TBXAS1: variants seen among roughly 807,000 people sequenced by gnomAD.
TBXAS1 encodes the protein thromboxane A synthase 1.
In TBXAS1, 48 loss-of-function variants were observed where a neutral mutation model predicts 60.7. The ratio of observed to expected loss-of-function variants is 0.79; its 90% confidence interval spans 0.63 to 1.01. TBXAS1 has a LOEUF of 1.01. Among genes scored for constraint, TBXAS1 ranks in the 50% least tolerant of loss-of-function variants. The probability of loss-of-function intolerance (pLI) is 0.00; values close to 1 mark genes in which losing one functional copy is unlikely to be tolerated. For synonymous variants in TBXAS1, 287 were observed against 269.7 expected, an observed-to-expected ratio of 1.06 and a Z score of -0.63; for missense variants, 685 against 686.3, an observed-to-expected ratio of 1.00 and a Z score of 0.02.
In TBXAS1 at chr7:139,805,996, G is replaced by A. The variant is rs543350993; in HGVS notation, c.-80+18570G>A. On this transcript the variant is annotated intron_variant, in intron 4 of 16. Coordinates refer to the TBXAS1 transcript ENST00000336425. ...TTCACCCAGGCCAGACTGCAGTGGC[G>A]CTCTCTTGGCTCACTGCAAGCTCCG... Among the ~76,000 whole-genome samples the A allele has an allele frequency of 1.5e-3, 208 of 142,336 alleles. 1 individual carries two copies. Among genetic ancestry groups the A allele is most frequent in the Middle Eastern group, 3.6e-3 (1 of 276 alleles). The allele number at this position is 142,336 out of a possible 152,430, so 93.4% of individuals were successfully genotyped here. A position where few individuals can be genotyped will look rare whatever the true frequency, so the allele number is the denominator to read the frequency against.
At chr7:139,973,313 G>T (rs1263174208) in intron 9 of TBXAS1, among the ~76,000 whole-genome samples, 1 of 152,120 alleles carries the variant, frequency 6.6e-6, no homozygotes, top group East Asian at 1.9e-4. Flanking sequence ...TGGTATTTGA[G>T]CACCTACTAA....
intron 4 of TBXAS1, among the ~76,000 whole-genome samples, chr7:139,931,432 G>A (rs981598069): frequency 2.0e-5 from 3 of 152,120 alleles, no homozygotes; most frequent in Admixed American, 6.5e-5. Flanking sequence ...TACCAGTCTC[G>A]TTACTCATTG....
intron 10 of TBXAS1, among the ~76,000 whole-genome samples, chr7:140,010,975 CA>C (rs557900360): frequency 0.011 from 1,493 of 135,390 alleles, 9 homozygotes; most frequent in Middle Eastern, 0.027. Flanking sequence ...AAAACAAAAC[CA>C]AAAAAAAAAA....
intron 1 of TBXAS1, among the ~76,000 whole-genome samples, chr7:139,779,787 G>A (rs1168865114): frequency 6.6e-6 from 1 of 152,164 alleles, no homozygotes; most frequent in African/African-American, 2.4e-5. Context: ...CAAGGCAGGC[G>A]AGTCCTGACT....
chr7:139,900,627 G>A (rs959341147), intron 3 of TBXAS1, among the ~76,000 whole-genome samples: 1 of 152,182 alleles, frequency 6.6e-6, no homozygotes, highest in Admixed American at 6.5e-5. Context: ...ACTAATGTAA[G>A]CTAGGAGGAT....
At chr7:139,996,855 T>A (rs1813336116) in intron 9 of TBXAS1, among the ~76,000 whole-genome samples, 2 of 152,262 alleles carry the variant, frequency 1.3e-5, no homozygotes. Context: ...CAGCCACTGC[T>A]GATAAGGCTT....
intron 3 of TBXAS1, among the ~76,000 whole-genome samples, chr7:139,909,866 C>T (rs948880054): frequency 2.6e-5 from 4 of 152,140 alleles, no homozygotes; most frequent in Non-Finnish European, 5.9e-5. Flanking sequence ...CACAGTGGGC[C>T]GCTTGTCATC....
In TBXAS1 at chr7:140,020,160, G is replaced by A. The variant is rs775141159; in HGVS notation, c.*61G>A. ...AAATTCAAAGAAAACCCTAAGTGTGGATGTTCAGAATTTTGGAAAAATGTC... is the reference window on the plus strand; with the variant it reads ...AAATTCAAAGAAAACCCTAAGTGTGAATGTTCAGAATTTTGGAAAAATGTC... On this transcript the variant is annotated 3_prime_UTR_variant, in exon 13 of 13. Coordinates refer to ENST00000448866, the MANE Select transcript of TBXAS1 (RefSeq NM_001061.7). 30 of 1,560,272 alleles carry A rather than the reference G, an allele frequency of 1.9e-5. No homozygotes were observed. Among genetic ancestry groups the A allele is most frequent in the Non-Finnish European group, 2.6e-5 (30 of 1,132,230 alleles).
At chr7:139,889,994 C>T (rs1569508651) in intron 3 of TBXAS1, among the ~76,000 whole-genome samples, 1 of 152,048 alleles carries the variant, frequency 6.6e-6, no homozygotes, top group Non-Finnish European at 1.5e-5. Flanking sequence ...CCAGGGTAGG[C>T]CTGGAATCCG....
intron 4 of TBXAS1, among the ~76,000 whole-genome samples, chr7:139,788,626 G>A (rs1014365652): frequency 7.9e-5 from 12 of 152,326 alleles, no homozygotes; most frequent in Non-Finnish European, 1.5e-4. Context: ...TTTGGAGGGA[G>A]CCAGACTGCT....
intron 5 of TBXAS1, 105 bp downstream of exon 5, chr7:139,936,412 A>G (rs1807796110): frequency 8.8e-7 from 1 of 1,138,840 alleles, no homozygotes. Flanking sequence ...CAGGTGACAC[A>G]TCAAAATGCC....
intron 4 of TBXAS1, among the ~76,000 whole-genome samples, chr7:139,821,414 G>C (rs1466880292): frequency 2.0e-5 from 3 of 152,222 alleles, no homozygotes; most frequent in African/African-American, 7.2e-5. Flanking sequence ...CAAAAGCCAA[G>C]TGAGTGGATG....
chr7:139,949,031 T>A (rs2117279927), intron 5 of TBXAS1, among the ~76,000 whole-genome samples: 1 of 152,336 alleles, frequency 6.6e-6, no homozygotes, highest in Non-Finnish European at 1.5e-5. Flanking sequence ...TCCATTCAGT[T>A]CGACAGACAG....
At chr7:139,955,420 C>T in intron 6 of TBXAS1, 39 bp from the exon 7 acceptor site, 2 of 1,613,864 alleles carry the variant, frequency 1.2e-6, no homozygotes, top group South Asian at 2.2e-5. Context: ...TAGCCCCTGC[C>T]AGAGTCCTTT....
At chr7:139,820,656 T>C (rs1210657599) in intron 4 of TBXAS1, among the ~76,000 whole-genome samples, 1 of 152,096 alleles carries the variant, frequency 6.6e-6, no homozygotes, top group Admixed American at 6.5e-5. Flanking sequence ...TGGAAGGAAG[T>C]AGTGCATTTT....
intron 4 of TBXAS1, among the ~76,000 whole-genome samples, chr7:139,921,916 A>G (rs999344548): frequency 3.9e-5 from 6 of 152,200 alleles, no homozygotes; most frequent in East Asian, 1.9e-4. Context: ...AGTTTTCCAA[A>G]GGGGTTGAGC....
intron 3 of TBXAS1, among the ~76,000 whole-genome samples, chr7:139,885,085 G>A (rs1426356627): frequency 2.0e-5 from 3 of 152,188 alleles, no homozygotes; most frequent in Non-Finnish European, 2.9e-5. Context: ...AAGGAGAGAG[G>A]ACTGCAGCGG....
At chr7:139,821,497 C>G (rs972996841) in intron 4 of TBXAS1, among the ~76,000 whole-genome samples, 1 of 152,196 alleles carries the variant, frequency 6.6e-6, no homozygotes, top group Admixed American at 6.5e-5. Context: ...AAGACTAATA[C>G]AAAATCAAGA....
intron 4 of TBXAS1, among the ~76,000 whole-genome samples, chr7:139,790,556 A>G (rs547394934): frequency 1.3e-5 from 2 of 152,340 alleles, no homozygotes; most frequent in Admixed American, 6.5e-5. Flanking sequence ...ACAGTAGTCA[A>G]AAAGAAAAAT....
Sources: allele counts gnomAD v4.1 joint callset (sites outside exome capture counted in the v4.1 genomes callset), GRCh38; gene constraint gnomAD v4.1.1; transcripts MANE v1.5; gene names NCBI Gene and HGNC (gene_info 2026-07-23, HGNC 2026-07-21).